Variants in CFAP54 observed in about 807,000 individuals in gnomAD.
The protein encoded by CFAP54 is cilia- and flagella-associated protein 54.
Under a neutral mutation model 370.4 loss-of-function variants are expected in CFAP54, and 290 were observed. That is an observed-to-expected ratio of 0.78 (90% CI 0.71 to 0.86). The LOEUF (loss-of-function observed/expected upper bound fraction) is 0.86. Ranked by LOEUF, CFAP54 falls within the 40% of genes least tolerant of loss-of-function variation. The pLI is 0.00. For missense variants in CFAP54, 3,399 were observed against 3,528.7 expected (o/e 0.96, Z 0.93); for synonymous variants, 1,206 against 1,236.5 (o/e 0.98, Z 0.52).
intron 28 of CFAP54, among the ~76,000 whole-genome samples, chr12:96,624,664 C>A (rs971285615): frequency 5.9e-5 from 9 of 152,194 alleles, no homozygotes; most frequent in Non-Finnish European, 1.2e-4. Flanking sequence ...GAGCCTTAAA[C>A]CAAGTACGAG....
At chr12:96,656,879 T>C (rs188118383) in intron 36 of CFAP54, among the ~76,000 whole-genome samples, 24 of 152,364 alleles carry the variant, frequency 1.6e-4, no homozygotes, top group Non-Finnish European at 8.8e-5. Context: ...TTTTTAAAAG[T>C]ATGTCCCATG....
At chr12:96,755,263 G>A (rs777208583) in intron 56 of CFAP54, among the ~76,000 whole-genome samples, 2 of 152,014 alleles carry the variant, frequency 1.3e-5, no homozygotes, top group Non-Finnish European at 2.9e-5. Flanking sequence ...ATAGTGTGAC[G>A]TTTTTGATAC....
At position 96,538,530 on chromosome 12, in the gene CFAP54, G is replaced by T. The variant is rs535274062; in HGVS notation, c.1926+12G>T. The T allele has an allele frequency of 4.6e-6, 7 of 1,532,568 alleles. No homozygotes were observed. Among genetic ancestry groups the T allele is most frequent in the African/African-American group, 1.4e-5 (1 of 72,892 alleles). The allele number at this position is 1,532,568 out of a possible 1,614,324, so 94.9% of individuals were successfully genotyped here. ...TCAGTACTAACAAAGTATTCCTTTCGCATTCCCTTTCACGTGTTTTTTTTG... is the reference window on the plus strand; with the variant it reads ...TCAGTACTAACAAAGTATTCCTTTCTCATTCCCTTTCACGTGTTTTTTTTG... On this transcript the variant is annotated intron_variant, in intron 13 of 67. Transcript: ENST00000524981.
chr12:96,729,657 C>T (rs1402492823), intron 50 of CFAP54, among the ~76,000 whole-genome samples: 3 of 152,242 alleles, frequency 2.0e-5, no homozygotes, highest in Non-Finnish European at 4.4e-5. Flanking sequence ...GGCAATGCCT[C>T]ACCCTGCTTC....
chr12:96,621,616 C>A lies in CFAP54; in HGVS notation c.3666C>A (p.Asp1222Glu), dbSNP rs1956489759. Residue 1222 changes from aspartate (D) to glutamate (E), a missense_variant, in exon 27 of 68, where the codon GAC (aspartate) becomes GAA (glutamate). By Grantham distance (45) the Asp-to-Glu change is conservative (BLOSUM62 2). Around this residue, in one of 3 missense-constraint regions of CFAP54, gnomAD observed 2,796 missense variants for 2,869.7 expected, o/e 0.97. Transcript: ENST00000524981. Reference protein sequence around the residue: ...TKILRSWREYDLAVMIINYGK... With the variant: ...TKILRSWREYELAVMIINYGK... ...TTCTTCGTTCATGGAGGGAATATGA[C>A]CTGGCAGTAATGATTATAAATTATG... 6.7e-7 allele frequency: 1 copy of A among 1,500,084 alleles called. No individual in the cohort carries two copies. The highest frequency in any genetic ancestry group is 8.9e-7 in the Non-Finnish European group (1 of 1,119,366). 92.9% of individuals were successfully genotyped at this position (1,500,084 alleles called of 1,614,324 possible).
At chr12:96,775,564 C>T (rs1958509158) in intron 60 of CFAP54, among the ~76,000 whole-genome samples, 1 of 152,210 alleles carries the variant, frequency 6.6e-6, no homozygotes, top group East Asian at 1.9e-4. Flanking sequence ...ATGAGTCCCA[C>T]ATAAACACGT....
At chr12:96,534,737 C>T (rs1955483657) in intron 11 of CFAP54, among the ~76,000 whole-genome samples, 1 of 152,096 alleles carries the variant, frequency 6.6e-6, no homozygotes, top group African/African-American at 2.4e-5. Flanking sequence ...TATTTAATTC[C>T]AGGTTTTTAA....
rs772165058 is a variant in CFAP54, at chr12:96,650,036, T to C, written c.4836T>C (p.His1612=). 1.2e-6 allele frequency: 2 copies of C among 1,612,744 alleles called. No homozygotes were observed. The highest frequency in any genetic ancestry group is 1.7e-5 in the Admixed American group (1 of 59,760). ...GAGCAAATTTGTGTGTAATGGATCATTTTATGAAAATCTTTTTATACTGCA... is the reference window on the plus strand; with the variant it reads ...GAGCAAATTTGTGTGTAATGGATCACTTTATGAAAATCTTTTTATACTGCA... ...DRGANLCVMD[H]FMKIFLYCRR... is the part of the protein sequence containing the mutation. Residue 1612 remains histidine (H), a synonymous_variant, in exon 35 of 68, where the codon CAT becomes CAC. Transcript: ENST00000524981.
intron 28 of CFAP54, among the ~76,000 whole-genome samples, 176 bp from the exon 29 acceptor site, chr12:96,625,542 A>T (rs1956541299): frequency 6.6e-6 from 1 of 152,208 alleles, no homozygotes; most frequent in Non-Finnish European, 1.5e-5. Context: ...TCATCAGATT[A>T]TTTTTATTTC....
At position 96,689,014 on chromosome 12, in the gene CFAP54, G is replaced by A. The variant is rs780371695; in HGVS notation, c.6081+32G>A. On this transcript the variant is annotated intron_variant, in intron 43 of 67. Transcript: ENST00000524981. ...CTCTATGTATGTATGTTTTTCCATT[G>A]TAGCACAACCATTCATTGGATCAGT... The A allele has an allele frequency of 5.9e-6, 8 of 1,345,846 alleles. No individual in the cohort carries two copies. The South Asian group carries it at 1.1e-4, about 18-fold the overall frequency. The allele number at this position is 1,345,846 out of a possible 1,614,324, so 83.4% of individuals were successfully genotyped here.
chr12:96,702,258 G>A (rs1957500757), intron 46 of CFAP54, among the ~76,000 whole-genome samples: 1 of 151,504 alleles, frequency 6.6e-6, no homozygotes, highest in African/African-American at 2.4e-5. Flanking sequence ...AAGTATGAGA[G>A]TCCCAGTAGA....
chr12:96,874,466 G>A (rs1960242245), intron 67 of CFAP54, among the ~76,000 whole-genome samples: 1 of 152,152 alleles, frequency 6.6e-6, no homozygotes, highest in African/African-American at 2.4e-5. Context: ...GGAAACAGAA[G>A]AATAGAAAAT....
At chr12:96,499,945 T>TC (rs1373770631) in intron 1 of CFAP54, among the ~76,000 whole-genome samples, 4 of 119,886 alleles carry the variant, frequency 3.3e-5, no homozygotes, top group Non-Finnish European at 3.8e-5. Context: ...AGACTCCATC[T>TC]CAAAAACAAA....
chr12:96,622,397 C>T lies in CFAP54; in HGVS notation c.3771+676C>T, dbSNP rs551242622. ...ACACAGTCTCACTCTATAGTCTAAGCTGGAGTGCAGTGATGCAATCTTGCC... is the reference window on the plus strand; with the variant it reads ...ACACAGTCTCACTCTATAGTCTAAGTTGGAGTGCAGTGATGCAATCTTGCC... On this transcript the variant is annotated intron_variant, in intron 27 of 67. Coordinates refer to ENST00000524981, the MANE Select transcript of CFAP54 (RefSeq NM_001306084.2). Among the ~76,000 whole-genome samples, 7 of 127,996 alleles carry T rather than the reference C, an allele frequency of 5.5e-5. No homozygotes were observed. In the East Asian group the frequency reaches 1.9e-3, roughly 35 times the overall value. 84.0% of individuals were successfully genotyped at this position (127,996 alleles called of 152,430 possible). A position where few individuals can be genotyped will look rare whatever the true frequency, so the allele number is the denominator to read the frequency against.
Position 96,765,201 on chromosome 12 carries a change from A to T in CFAP54, c.8264A>T (p.Tyr2755Phe), listed in dbSNP as rs1316798150. Residue 2755 changes from tyrosine (Y) to phenylalanine (F), a missense_variant, in exon 60 of 68, where the codon TAT (tyrosine) becomes TTT (phenylalanine). By Grantham distance (22) the Tyr-to-Phe change is conservative. Transcript: ENST00000524981. ...GCTGCTCTGGATCTTTTGTCTTCGT[A>T]TACAGATTATTTGCTTGGTATGTTT... The part of the protein sequence containing the change: ...EFAALDLLSS[Y>F]TDYLLDNYQV... 10 of 1,522,008 alleles carry T rather than the reference A, an allele frequency of 6.6e-6. No homozygotes were observed. Among genetic ancestry groups the T allele is most frequent in the Non-Finnish European group, 8.9e-6 (10 of 1,118,956 alleles). 94.3% of individuals were successfully genotyped at this position (1,522,008 alleles called of 1,614,324 possible). A position where few individuals can be genotyped will look rare whatever the true frequency, so the allele number is the denominator to read the frequency against.
chr12:96,662,253 G>A (rs1276661710), intron 38 of CFAP54, among the ~76,000 whole-genome samples: 1 of 152,158 alleles, frequency 6.6e-6, no homozygotes, highest in Non-Finnish European at 1.5e-5. Flanking sequence ...CACCCAGGCT[G>A]GAGTGCAGTG....
intron 67 of CFAP54, among the ~76,000 whole-genome samples, chr12:96,871,665 T>C (rs527246082): frequency 1.1e-3 from 167 of 152,246 alleles, no homozygotes; most frequent in African/African-American, 3.8e-3. Context: ...AAAAGATTGC[T>C]ATAATGGATA....
At chr12:96,722,973 G>GT (rs34647552) in intron 50 of CFAP54, among the ~76,000 whole-genome samples, 43,182 of 151,974 alleles carry the variant, frequency 0.28, 6,514 homozygotes, top group African/African-American at 0.36. Flanking sequence ...AGTTTGAGAT[G>GT]CCCTTAGATG....
At chr12:96,817,506 T>C (rs1958989123) in intron 64 of CFAP54, among the ~76,000 whole-genome samples, 1 of 151,982 alleles carries the variant, frequency 6.6e-6, no homozygotes, top group African/African-American at 2.4e-5. Context: ...CTGCAAGCTC[T>C]GCCTCCCAGG....
Sources: gnomAD v4.1 joint callset for allele counts (sites outside exome capture counted in the v4.1 genomes callset) on GRCh38, gnomAD v4.1.1 for gene constraint, gnomAD v4.1.1 regional missense constraint, MANE v1.5 for transcripts, NCBI Gene and HGNC (gene_info 2026-07-23, HGNC 2026-07-21) for gene names.